TBXAS1: variants seen among roughly 807,000 people sequenced by gnomAD.
TBXAS1 encodes thromboxane-A synthase.
A neutral mutation model predicts 60.7 loss-of-function variants in TBXAS1; 48 were observed. The ratio of observed to expected loss-of-function variants is 0.79; its 90% CI spans 0.63 to 1.01. The LOEUF (loss-of-function observed/expected upper bound fraction) is 1.01, where lower values mean the gene tolerates loss of function less well. Among genes scored for constraint, TBXAS1 ranks in the 50% least tolerant of loss-of-function variants. TBXAS1 has a pLI of 0.00. For synonymous variants in TBXAS1, 287 were observed against 269.7 expected (o/e 1.06, Z -0.63); for missense variants, 685 against 686.3 (o/e 1.00, Z 0.02).
chr7:139,914,826 C>T (rs1805842102), intron 4 of TBXAS1, among the ~76,000 whole-genome samples: 1 of 152,166 alleles, frequency 6.6e-6, no homozygotes. Flanking sequence ...TGATTATTAG[C>T]TCTTTAAGGC....
intron 9 of TBXAS1, among the ~76,000 whole-genome samples, chr7:139,966,676 A>T (rs1265669581): frequency 1.3e-5 from 2 of 152,094 alleles, no homozygotes; most frequent in Non-Finnish European, 2.9e-5. Context: ...CCTGTCCGTG[A>T]TGATACTTTG....
chr7:139,843,384 C>T (rs1183518318), intron 1 of TBXAS1, among the ~76,000 whole-genome samples: 2 of 152,022 alleles, frequency 1.3e-5, no homozygotes, highest in East Asian at 3.9e-4. Context: ...ACTCTGTCAT[C>T]CAGGCTGGAG....
intron 10 of TBXAS1, among the ~76,000 whole-genome samples, chr7:140,012,470 T>C (rs1366228551): frequency 6.6e-6 from 1 of 151,966 alleles, no homozygotes; most frequent in Non-Finnish European, 1.5e-5. Context: ...AACTTTTTTT[T>C]TTTTTTTTTT....
At chr7:139,914,985 G>A (rs564306505) in intron 4 of TBXAS1, among the ~76,000 whole-genome samples, 331 of 152,226 alleles carry the variant, frequency 2.2e-3, no homozygotes, top group African/African-American at 7.5e-3. Flanking sequence ...TGAACCTGGA[G>A]TTGCAATATA....
intron 1 of TBXAS1, among the ~76,000 whole-genome samples, chr7:139,865,268 T>C (rs1406970632): frequency 1.3e-5 from 2 of 152,148 alleles, no homozygotes; most frequent in African/African-American, 4.8e-5. Flanking sequence ...ACATCTGCCT[T>C]GAGGCGTGAT....
intron 4 of TBXAS1, among the ~76,000 whole-genome samples, chr7:139,920,125 G>A (rs184977496): frequency 1.3e-5 from 2 of 152,360 alleles, no homozygotes; most frequent in Admixed American, 1.3e-4. Context: ...GCCAGGGAGG[G>A]TCAGAGACTG....
intron 9 of TBXAS1, among the ~76,000 whole-genome samples, chr7:139,991,317 C>T (rs369907524): frequency 1.3e-5 from 2 of 151,158 alleles, no homozygotes; most frequent in Admixed American, 6.6e-5. Context: ...GTGACCCCCA[C>T]GATGCCCCCA....
chr7:139,993,504 A>T (rs1281192782), intron 9 of TBXAS1, among the ~76,000 whole-genome samples: 1 of 152,096 alleles, frequency 6.6e-6, no homozygotes, highest in Non-Finnish European at 1.5e-5. Flanking sequence ...TCTCCTGCTG[A>T]CCCTGCGGCC....
intron 9 of TBXAS1, among the ~76,000 whole-genome samples, chr7:139,987,365 G>A (rs1373818354): frequency 1.3e-5 from 2 of 152,122 alleles, no homozygotes; most frequent in African/African-American, 2.4e-5. Context: ...CAACCAAGAC[G>A]GGAGCTTCAC....
intron 10 of TBXAS1, among the ~76,000 whole-genome samples, chr7:140,007,405 C>T (rs1023310030): frequency 1.3e-5 from 2 of 152,192 alleles, no homozygotes; most frequent in Non-Finnish European, 1.5e-5. Flanking sequence ...TTCTTAACAC[C>T]GCCTTCCTCC....
intron 4 of TBXAS1, among the ~76,000 whole-genome samples, chr7:139,810,102 T>A (rs1797989542): frequency 1.3e-5 from 2 of 151,174 alleles, no homozygotes; most frequent in African/African-American, 4.9e-5. Flanking sequence ...AGTGGTGTGA[T>A]CTCGGCTCAC....
chr7:139,969,949 C>T (rs1811070100), intron 9 of TBXAS1, among the ~76,000 whole-genome samples: 2 of 152,232 alleles, frequency 1.3e-5, no homozygotes, highest in African/African-American at 4.8e-5. Context: ...AACAGCGTCA[C>T]TGCAGCGTGA....
chr7:140,015,680 C>T (rs1369276276), intron 10 of TBXAS1, 43 bp from the exon 11 acceptor site: 7 of 1,609,964 alleles, frequency 4.3e-6, no homozygotes, highest in Non-Finnish European at 5.9e-6. Context: ...CTCTGCTCCT[C>T]ATCTCTTCTC....
At chr7:139,996,912 G>A (rs1813340355) in intron 9 of TBXAS1, among the ~76,000 whole-genome samples, 1 of 152,162 alleles carries the variant, frequency 6.6e-6, no homozygotes, top group South Asian at 2.1e-4. Context: ...CCTTGTGATT[G>A]GAGCACCTCA....
At position 139,925,958 on chromosome 7, in the gene TBXAS1, G is replaced by A. The variant is rs1375010053; in HGVS notation, c.334-10233G>A. On this transcript the variant is annotated intron_variant, in intron 4 of 12. Coordinates refer to ENST00000448866, the MANE Select transcript of TBXAS1 (RefSeq NM_001061.7). The stretch of plus-strand genomic sequence containing the variant: ...ACATTGATTGATTTGTATATGTTGA[G>A]CCATGCTTGCATCCCAGTGATAAAT... Among the ~76,000 whole-genome samples, 3 of 152,212 alleles carry A rather than the reference G, an allele frequency of 2.0e-5. No individual in the cohort carries two copies. In the East Asian group the frequency reaches 5.8e-4, roughly 29 times the overall value.
At chr7:139,859,352 G>A (rs13437670) in intron 1 of TBXAS1, among the ~76,000 whole-genome samples, 52,007 of 151,248 alleles carry the variant, frequency 0.34, 9,295 homozygotes, top group South Asian at 0.55. Flanking sequence ...GACTACAGGC[G>A]CCCACCAACA....
intron 3 of TBXAS1, among the ~76,000 whole-genome samples, chr7:139,895,572 G>A (rs1804023537): frequency 1.3e-5 from 2 of 152,230 alleles, no homozygotes; most frequent in Non-Finnish European, 2.9e-5. Flanking sequence ...CAGCAGCTGA[G>A]GCTGGCCCTG....
intron 4 of TBXAS1, among the ~76,000 whole-genome samples, chr7:139,923,481 A>G (rs567673442): frequency 9.9e-5 from 15 of 152,010 alleles, no homozygotes; most frequent in African/African-American, 3.6e-4. Context: ...TAGTAGGTGT[A>G]TACATTTATG....
chr7:139,804,920 T>C (rs1797809872), intron 4 of TBXAS1, among the ~76,000 whole-genome samples: 1 of 152,252 alleles, frequency 6.6e-6, no homozygotes, highest in South Asian at 2.1e-4. Flanking sequence ...TGTTTGTTTT[T>C]CCCTCTTAAT....
Sources: allele counts gnomAD v4.1 joint callset (sites outside exome capture counted in the v4.1 genomes callset), GRCh38; gene constraint gnomAD v4.1.1; transcripts MANE v1.5; gene names NCBI Gene and HGNC (gene_info 2026-07-23, HGNC 2026-07-21).